CDH18: variants seen among roughly 807,000 people sequenced by gnomAD.
CDH18 encodes cadherin-18.
Under a neutral mutation model 67.9 loss-of-function variants are expected in CDH18, and 31 were observed. The ratio of observed to expected loss-of-function variants is 0.46; its 90% CI spans 0.34 to 0.62. The LOEUF is 0.62. CDH18 is among the 20% of genes least tolerant of loss of function. CDH18 has a pLI of 0.01. For missense variants in CDH18, 890 were observed against 975.5 expected (o/e 0.91, Z 1.17); for synonymous variants, 362 against 347.2 (o/e 1.04, Z -0.48).
At chr5:20,384,733 T>A (rs1744179124) in intron 1 of CDH18, among the ~76,000 whole-genome samples, 1 of 152,222 alleles carries the variant, frequency 6.6e-6, no homozygotes, top group Non-Finnish European at 1.5e-5. Context: ...TTTCTCTGCA[T>A]CCTTGCCAAC....
At chr5:19,723,438 C>T (rs1288506313) in intron 4 of CDH18, among the ~76,000 whole-genome samples, 1 of 152,022 alleles carries the variant, frequency 6.6e-6, no homozygotes, top group Non-Finnish European at 1.5e-5. Context: ...AGGATTCTGG[C>T]CCCTAAATAG....
intron 4 of CDH18, among the ~76,000 whole-genome samples, chr5:19,744,099 T>C (rs908072776): frequency 6.6e-6 from 1 of 152,154 alleles, no homozygotes; most frequent in East Asian, 1.9e-4. Context: ...TTTCCTATAG[T>C]AATGAGTGTA....
chr5:20,502,670 A>T (rs184192961), intron 1 of CDH18, among the ~76,000 whole-genome samples: 106 of 152,344 alleles, frequency 7.0e-4, no homozygotes, highest in African/African-American at 2.5e-3. Context: ...GATAAATATG[A>T]TCATGACATT....
chr5:19,927,538 T>C (rs73059680), intron 2 of CDH18, among the ~76,000 whole-genome samples: 1,858 of 152,232 alleles, frequency 0.012, 34 homozygotes, highest in African/African-American at 0.04. Context: ...TAGTAACATA[T>C]TTCCTTTAAT....
chr5:19,990,530 A>G (rs1799921712), upstream of CDH18, among the ~76,000 whole-genome samples: 1 of 152,186 alleles, frequency 6.6e-6, no homozygotes, highest in South Asian at 2.1e-4. Context: ...ACTGCCAACC[A>G]ATACAATCCA....
chr5:19,712,272 A>G (rs1012969280), intron 5 of CDH18, among the ~76,000 whole-genome samples: 4 of 152,020 alleles, frequency 2.6e-5, no homozygotes, highest in African/African-American at 9.7e-5. Flanking sequence ...ACAAAACTCT[A>G]CTTGTATCCC....
At chr5:19,810,761 A>C (rs1354585046) in intron 3 of CDH18, among the ~76,000 whole-genome samples, 1 of 152,054 alleles carries the variant, frequency 6.6e-6, no homozygotes, top group Non-Finnish European at 1.5e-5. Flanking sequence ...AGTGGCTCAC[A>C]CTTGTAATCC....
intron 5 of CDH18, among the ~76,000 whole-genome samples, chr5:19,702,148 C>CTTTTT (rs70950086): frequency 1.3e-4 from 15 of 114,868 alleles, no homozygotes; most frequent in African/African-American, 3.9e-4. Context: ...CTTTCTCTCT[C>CTTTTT]TTTTTTTTTT....
intron 1 of CDH18, among the ~76,000 whole-genome samples, chr5:20,453,256 T>C (rs907509546): frequency 2.2e-4 from 33 of 152,164 alleles, no homozygotes; most frequent in African/African-American, 7.5e-4. Flanking sequence ...TTACACCTTG[T>C]CCTAACTACT....
chr5:19,918,646 A>G (rs1792091803), intron 2 of CDH18, among the ~76,000 whole-genome samples: 1 of 152,164 alleles, frequency 6.6e-6, no homozygotes, highest in African/African-American at 2.4e-5. Context: ...GGATAAACAA[A>G]TGCTATGAGA....
intron 1 of CDH18, among the ~76,000 whole-genome samples, chr5:20,485,229 G>A (rs576854195): frequency 3.2e-4 from 49 of 152,188 alleles, no homozygotes; most frequent in Admixed American, 1.8e-3. Flanking sequence ...CTTCTGATAC[G>A]CCTCTTGTCA....
intron 1 of CDH18, among the ~76,000 whole-genome samples, chr5:20,521,692 C>T (rs1755752485): frequency 6.6e-6 from 1 of 151,910 alleles, no homozygotes; most frequent in African/African-American, 2.4e-5. Context: ...AGGCTGATTA[C>T]AATAACTCAG....
chr5:19,816,021 T>C (rs1581478270), intron 3 of CDH18, among the ~76,000 whole-genome samples: 2 of 152,062 alleles, frequency 1.3e-5, no homozygotes. Context: ...TATAAACAGA[T>C]ACACCATAAA....
chr5:19,550,829 G>T (rs181562082), intron 8 of CDH18, among the ~76,000 whole-genome samples: 3,375 of 152,040 alleles, frequency 0.022, 98 homozygotes, highest in East Asian at 0.096. Context: ...GATCCCTGAG[G>T]AATCGCCACA....
At chr5:20,439,151 G>T (rs2150187634) in intron 1 of CDH18, among the ~76,000 whole-genome samples, 1 of 109,536 alleles carries the variant, frequency 9.1e-6, no homozygotes, top group South Asian at 3.1e-4. Flanking sequence ...TAGGTGAGAT[G>T]ATATTTTTGG....
At chr5:19,942,715 T>G (rs1301572344) in intron 2 of CDH18, among the ~76,000 whole-genome samples, 2 of 152,158 alleles carry the variant, frequency 1.3e-5, no homozygotes, top group African/African-American at 2.4e-5. Flanking sequence ...GATTAAAGAA[T>G]GAGGCTTTGG....
At chr5:20,150,265 AGTCT>A in intron 2 of CDH18, among the ~76,000 whole-genome samples, 1 of 152,210 alleles carries the variant, frequency 6.6e-6, no homozygotes, top group East Asian at 1.9e-4. Flanking sequence ...ATTACCTGAA[AGTCT>A]GCATCATGGG....
At position 20,475,680 on chromosome 5, in the gene CDH18, A is replaced by G. The variant is rs181352450; in HGVS notation, c.-580+99782T>C. ...TGTCAATTTATATAATAATTATACC[A>G]TCTACTTACATAACAATTCTTATTG... On this transcript the variant is annotated intron_variant, in intron 1 of 14. Coordinates refer to the CDH18 transcript ENST00000507958. Among the ~76,000 whole-genome samples the G allele has an allele frequency of 2.5e-3, 386 of 152,322 alleles. 4 individuals are homozygous for G. Among genetic ancestry groups the G allele is most frequent in the African/African-American group, 9.0e-3 (374 of 41,574 alleles).
chr5:19,627,730 T>G (rs1751771453), intron 5 of CDH18, among the ~76,000 whole-genome samples: 1 of 152,158 alleles, frequency 6.6e-6, no homozygotes, highest in African/African-American at 2.4e-5. Context: ...CTGCTAGCAA[T>G]AAACAGGCTT....
Sources: allele counts gnomAD v4.1 joint callset (sites outside exome capture counted in the v4.1 genomes callset), GRCh38; gene constraint gnomAD v4.1.1; transcripts MANE v1.5; gene names NCBI Gene and HGNC (gene_info 2026-07-23, HGNC 2026-07-21).